Variants in OLA1 observed in about 807,000 individuals in gnomAD.
The protein encoded by OLA1 is Obg like ATPase 1, also known as obg-like ATPase 1.
Under a neutral mutation model 48.4 loss-of-function variants are expected in OLA1, and 14 were observed. The observed-to-expected ratio is 0.29, with a 90% CI of 0.19 to 0.45. OLA1 has a LOEUF of 0.45. OLA1 is among the 20% of genes least tolerant of loss of function. The pLI is 1.00. For synonymous variants in OLA1, 127 were observed against 150.4 expected (o/e 0.84, Z 1.14); for missense variants, 325 against 467.1 (o/e 0.70, Z 2.80).
rs184280346 is a variant in OLA1 at position 174,227,865 on chromosome 2, T to C, written c.245+1443A>G. Among the ~76,000 whole-genome samples, 3 of 152,300 alleles carry C rather than the reference T, an allele frequency of 2.0e-5. No homozygotes were observed. In the East Asian group the frequency reaches 5.8e-4, roughly 29 times the overall value. On this transcript the variant is annotated intron_variant, in intron 3 of 10. Transcript: ENST00000284719. Reference sequence around the variant, plus strand: ...TTAATTCATCAAAAAAATCAATGGATGCTACAACTAGTAAGTGAAAGTGAA... The same window carrying C: ...TTAATTCATCAAAAAAATCAATGGACGCTACAACTAGTAAGTGAAAGTGAA...
chr2:174,200,236 A>G (rs1687961698), intron 4 of OLA1, among the ~76,000 whole-genome samples: 1 of 152,168 alleles, frequency 6.6e-6, no homozygotes, highest in East Asian at 1.9e-4. Flanking sequence ...AAAGTTTTAG[A>G]GTCTCGAGAT....
intron 4 of OLA1, among the ~76,000 whole-genome samples, chr2:174,167,288 T>A (rs1182552209): frequency 6.6e-6 from 1 of 152,162 alleles, no homozygotes; most frequent in Middle Eastern, 3.2e-3. Context: ...AGAAATACAA[T>A]CCTTAGCCCA....
intron 4 of OLA1, among the ~76,000 whole-genome samples, chr2:174,222,069 A>G (rs1353894947): frequency 1.3e-5 from 2 of 152,172 alleles, no homozygotes; most frequent in Admixed American, 6.5e-5. Flanking sequence ...TATGGTTGGT[A>G]CAAAAGTAAT....
chr2:174,134,993 C>A (rs1329941472), intron 5 of OLA1, among the ~76,000 whole-genome samples: 2 of 151,852 alleles, frequency 1.3e-5, no homozygotes, highest in East Asian at 3.9e-4. Flanking sequence ...AACCCCTACT[C>A]TACTAAAAAT....
chr2:174,177,995 A>G (rs934425079), intron 4 of OLA1, among the ~76,000 whole-genome samples: 3 of 152,086 alleles, frequency 2.0e-5, no homozygotes, highest in Admixed American at 6.6e-5. Context: ...CTTTTCCCCA[A>G]TTCAACTAAT....
intron 2 of OLA1, among the ~76,000 whole-genome samples, chr2:174,231,472 G>C (rs1688727104): frequency 1.3e-5 from 2 of 151,976 alleles, no homozygotes. Flanking sequence ...AAAGGCCATA[G>C]GTTGTTTATG....
chr2:174,094,400 C>T (rs971820976), intron 7 of OLA1, among the ~76,000 whole-genome samples: 6 of 152,224 alleles, frequency 3.9e-5, no homozygotes, highest in Non-Finnish European at 5.9e-5. Flanking sequence ...TTCAAAATCC[C>T]GGATTTTTTC....
At chr2:174,147,925 G>A (rs1050641234) in intron 4 of OLA1, among the ~76,000 whole-genome samples, 2 of 152,162 alleles carry the variant, frequency 1.3e-5, no homozygotes, top group Non-Finnish European at 2.9e-5. Flanking sequence ...CCAGGTTCAA[G>A]CAATTCTAGT....
intron 7 of OLA1, among the ~76,000 whole-genome samples, chr2:174,106,405 C>T (rs1401529553): frequency 1.3e-5 from 2 of 152,016 alleles, no homozygotes; most frequent in Non-Finnish European, 2.9e-5. Flanking sequence ...TACCTTTATC[C>T]AAAACCCGAT....
intron 5 of OLA1, among the ~76,000 whole-genome samples, chr2:174,129,832 G>C (rs1343884084): frequency 6.6e-6 from 1 of 152,154 alleles, no homozygotes; most frequent in East Asian, 1.9e-4. Flanking sequence ...TAAATGGATA[G>C]ACTTGGTGGT....
At chr2:174,081,855 C>A in intron 8 of OLA1, 69 bp downstream of exon 8, 1 of 1,426,078 alleles carries the variant, frequency 7.0e-7, no homozygotes, top group Non-Finnish European at 9.8e-7. Context: ...ATTCTATCAG[C>A]GCAAGCAATT....
At chr2:174,094,405 T>G (rs1319316559) in intron 7 of OLA1, among the ~76,000 whole-genome samples, 1 of 152,108 alleles carries the variant, frequency 6.6e-6, no homozygotes, top group Non-Finnish European at 1.5e-5. Flanking sequence ...AATCCCGGAT[T>G]TTTTCCCCCA....
At chr2:174,221,230 T>C (rs1279782251) in intron 4 of OLA1, among the ~76,000 whole-genome samples, 1 of 151,476 alleles carries the variant, frequency 6.6e-6, no homozygotes, top group Non-Finnish European at 1.5e-5. Context: ...CTGACTTAAA[T>C]ACAATATAGT....
At chr2:174,151,663 GA>G (rs762219414) in intron 4 of OLA1, among the ~76,000 whole-genome samples, 1 of 152,114 alleles carries the variant, frequency 6.6e-6, no homozygotes, top group Non-Finnish European at 1.5e-5. Context: ...CCTTATGTCA[GA>G]ACTCTGGTTC....
intron 7 of OLA1, among the ~76,000 whole-genome samples, chr2:174,115,050 C>T (rs540856062): frequency 1.3e-5 from 2 of 151,982 alleles, no homozygotes; most frequent in Admixed American, 1.3e-4. Context: ...TGCACCACTG[C>T]ACTCCAGCCT....
At position 174,218,944 on chromosome 2, in the gene OLA1, G is replaced by A. The variant is rs570976145; in HGVS notation, c.373+4089C>T. On this transcript the variant is annotated intron_variant, in intron 4 of 10. Coordinates refer to ENST00000284719, the MANE Select transcript of OLA1 (RefSeq NM_013341.5). ...CAAGTGATTCTCCTGCCTCAGCCTC[G>A]CAAGTAGCTGGAACTACAAGGCACA... Among the ~76,000 whole-genome samples the A allele has an allele frequency of 3.9e-3, 592 of 151,156 alleles. 1 individual carries two copies. Among genetic ancestry groups the A allele is most frequent in the Non-Finnish European group, 6.7e-3 (453 of 67,874 alleles).
chr2:174,155,810 A>G (rs10211002), intron 4 of OLA1, among the ~76,000 whole-genome samples: 7,277 of 152,262 alleles, frequency 0.048, 608 homozygotes, highest in African/African-American at 0.17. Flanking sequence ...AGGGAAGGTC[A>G]GCATAAAGAC....
rs936578402 is a variant in OLA1 at position 174,072,672 on chromosome 2, G to A, written c.*2754C>T. The A allele has an allele frequency of 5.3e-5, 8 of 152,278 alleles. No individual in the cohort carries two copies. The South Asian group carries it at 1.0e-3, about 20-fold the overall frequency. The allele number at this position is 152,278 out of a possible 1,614,324, so 9.4% of individuals were successfully genotyped here. ...TCTGACTCTCTGAATGAAAGGAGACGGGGTTTACAAAGGAGCTTTGGAAAT... is the reference window on the plus strand; with the variant it reads ...TCTGACTCTCTGAATGAAAGGAGACAGGGTTTACAAAGGAGCTTTGGAAAT... On this transcript the variant is annotated 3_prime_UTR_variant, in exon 11 of 11. Transcript: ENST00000284719.
chr2:174,107,164 A>C (rs1685532448), intron 7 of OLA1, among the ~76,000 whole-genome samples: 1 of 152,160 alleles, frequency 6.6e-6, no homozygotes, highest in Admixed American at 6.6e-5. Context: ...ACAGTTTTAC[A>C]CTAAAAGGAA....
Sources: gnomAD v4.1 joint callset for allele counts (sites outside exome capture counted in the v4.1 genomes callset) on GRCh38, gnomAD v4.1.1 for gene constraint, MANE v1.5 for transcripts, NCBI Gene and HGNC (gene_info 2026-07-23, HGNC 2026-07-21) for gene names.